Variants in SWT1 observed in about 807,000 individuals in gnomAD.
SWT1 encodes the protein SWT1 RNA endoribonuclease homolog.
SWT1 carries 33 observed loss-of-function variants against 107.3 expected under a neutral mutation model. The observed-to-expected ratio is 0.31, with a 90% CI of 0.23 to 0.41. The LOEUF is 0.41. Ranked by LOEUF, SWT1 falls within the 10% of genes least tolerant of loss-of-function variation. The pLI is 1.00. For synonymous variants in SWT1, 345 were observed against 348.3 expected (o/e 0.99, Z 0.11); for missense variants, 898 against 1,028.9 (o/e 0.87, Z 1.74).
chr1:185,284,863 C>T (rs764472651), intron 18 of SWT1, among the ~76,000 whole-genome samples: 11 of 151,642 alleles, frequency 7.3e-5, no homozygotes, highest in Admixed American at 1.3e-4. Context: ...ATAATTTAAA[C>T]AGGCTTGCAT....
intron 5 of SWT1, among the ~76,000 whole-genome samples, chr1:185,178,936 T>G (rs998721614): frequency 2.6e-5 from 4 of 152,240 alleles, no homozygotes; most frequent in African/African-American, 7.2e-5. Context: ...AGGCGGAAGC[T>G]GAATTCTCAG....
At position 185,190,642 on chromosome 1, in the gene SWT1, C is replaced by T. The variant is rs1656871417; in HGVS notation, c.1523C>T (p.Thr508Met). The T allele has an allele frequency of 2.6e-6, 4 of 1,567,158 alleles. No homozygotes were observed. Among genetic ancestry groups the T allele is most frequent in the African/African-American group, 1.4e-5 (1 of 73,724 alleles). Reference protein sequence around the residue: ...LFPCSFVILCTDDRNLRNKGL... With the variant: ...LFPCSFVILCMDDRNLRNKGL... ...CCTTGTTCTTTTGTTATTCTGTGCA[C>T]GTGAGTTTCATAGTCATTTGACTTT... is the stretch of plus-strand genomic sequence containing the variant. Residue 508 changes from threonine to methionine, a missense_variant and splice_region_variant, in exon 10 of 19, where the codon ACG becomes ATG. This residue lies in a region of SWT1 where 382 missense variants were observed against 460.0 expected (regional missense o/e 0.83). Transcript: ENST00000367500.
At position 185,184,735 on chromosome 1, in the gene SWT1, T is replaced by A. The variant is rs776787546; in HGVS notation, c.1241-8T>A. 1 of 1,598,884 alleles carries A rather than the reference T, an allele frequency of 6.3e-7. No homozygotes were observed. The highest frequency in any genetic ancestry group is 8.5e-7 in the Non-Finnish European group (1 of 1,173,014). Reference sequence around the variant, plus strand: ...TGTTAAATTCTAAGAAATCTTTTTATTTTTTAGGTTTTGACAAACTTGTGT... The same window carrying A: ...TGTTAAATTCTAAGAAATCTTTTTAATTTTTAGGTTTTGACAAACTTGTGT... On this transcript the variant is annotated splice_polypyrimidine_tract_variant and splice_region_variant and intron_variant, in intron 8 of 18. Coordinates refer to ENST00000367500, the MANE Select transcript of SWT1 (RefSeq NM_017673.7).
At chr1:185,167,961 G>C (rs536391035) in intron 3 of SWT1, among the ~76,000 whole-genome samples, 1 of 151,986 alleles carries the variant, frequency 6.6e-6, no homozygotes, top group Non-Finnish European at 1.5e-5. Flanking sequence ...TCTACTTCTC[G>C]TCTTTATTAT....
chr1:185,206,993 G>A (rs990924420), intron 13 of SWT1, among the ~76,000 whole-genome samples: 2 of 152,208 alleles, frequency 1.3e-5, no homozygotes, highest in African/African-American at 4.8e-5. Context: ...GCTTGTGACT[G>A]TAAATGGTAT....
At chr1:185,230,750 G>GTGTT (rs1274928421) in intron 15 of SWT1, among the ~76,000 whole-genome samples, 3 of 151,908 alleles carry the variant, frequency 2.0e-5, no homozygotes, top group Non-Finnish European at 2.9e-5. Context: ...GTGTGTGTGT[G>GTGTT]TGTTTGTTTT....
chr1:185,224,269 TC>T (rs1309441402), intron 15 of SWT1, among the ~76,000 whole-genome samples: 1 of 152,164 alleles, frequency 6.6e-6, no homozygotes, highest in East Asian at 1.9e-4. Context: ...ACTTCTGGGC[TC>T]TCTATTCTGT....
intron 13 of SWT1, among the ~76,000 whole-genome samples, chr1:185,210,562 T>C (rs905783453): frequency 2.6e-5 from 4 of 152,166 alleles, no homozygotes; most frequent in African/African-American, 9.7e-5. Context: ...GCTCTTAAGC[T>C]GTGTATGACA....
intron 18 of SWT1, among the ~76,000 whole-genome samples, chr1:185,284,861 A>G (rs1237452152): frequency 2.6e-5 from 4 of 151,574 alleles, no homozygotes; most frequent in South Asian, 2.1e-4. Context: ...TGATAATTTA[A>G]ACAGGCTTGC....
At chr1:185,187,046 C>T (rs868387767) in intron 9 of SWT1, among the ~76,000 whole-genome samples, 11 of 125,564 alleles carry the variant, frequency 8.8e-5, no homozygotes, top group African/African-American at 2.2e-4. Flanking sequence ...TGAGCCACCG[C>T]GCCCAGCTTT....
At chr1:185,175,434 T>C (rs1253729894) in intron 5 of SWT1, among the ~76,000 whole-genome samples, 1 of 152,082 alleles carries the variant, frequency 6.6e-6, no homozygotes, top group Non-Finnish European at 1.5e-5. Flanking sequence ...ACCATGTTGC[T>C]TAGGCTGGTC....
intron 16 of SWT1, among the ~76,000 whole-genome samples, chr1:185,257,485 G>C (rs534145849): frequency 2.2e-4 from 34 of 152,292 alleles, no homozygotes; most frequent in African/African-American, 7.7e-4. Flanking sequence ...ATCTCGTGGT[G>C]CGCCGTTTTT....
chr1:185,224,077 A>G (rs944914030), intron 15 of SWT1, among the ~76,000 whole-genome samples: 20 of 152,154 alleles, frequency 1.3e-4, no homozygotes, highest in Non-Finnish European at 2.6e-4. Flanking sequence ...TTGCTGTTGA[A>G]TTAAGTTTCT....
In SWT1 at chr1:185,257,601, C is replaced by T. The variant is rs147562801; in HGVS notation, c.2442-13722C>T. Reference sequence around the variant, plus strand: ...GGAAAGGGAACTCCCTGACCCCTTGCGCTTCCCAAGTGAGGCAATGCCTCG... The same window carrying T: ...GGAAAGGGAACTCCCTGACCCCTTGTGCTTCCCAAGTGAGGCAATGCCTCG... On this transcript the variant is annotated intron_variant, in intron 16 of 18. Transcript: ENST00000367500. Among the ~76,000 whole-genome samples, 1,084 of 152,348 alleles carry T rather than the reference C, an allele frequency of 7.1e-3. 8 individuals carry two copies. The highest frequency in any genetic ancestry group is 0.024 in the Middle Eastern group (7 of 294).
intron 16 of SWT1, among the ~76,000 whole-genome samples, chr1:185,249,533 T>G (rs1273218824): frequency 6.6e-6 from 1 of 152,094 alleles, no homozygotes; most frequent in Non-Finnish European, 1.5e-5. Flanking sequence ...CAGGTCCAGG[T>G]GTGATTGAGG....
intron 16 of SWT1, among the ~76,000 whole-genome samples, chr1:185,236,113 C>G (rs1660855166): frequency 6.6e-6 from 1 of 152,126 alleles, no homozygotes; most frequent in Non-Finnish European, 1.5e-5. Flanking sequence ...ATCAAAATGG[C>G]TATACTGCCC....
chr1:185,285,893 T>C lies in SWT1; in HGVS notation c.2574-4781T>C, dbSNP rs138598938. On this transcript the variant is annotated intron_variant, in intron 18 of 18. Coordinates refer to ENST00000367500, the MANE Select transcript of SWT1 (RefSeq NM_017673.7). ...TATGTGAGGGTTTACTTCAGAACTTTTAGTTCTGATTCATTGGATGTCTGT... is the reference window on the plus strand; with the variant it reads ...TATGTGAGGGTTTACTTCAGAACTTCTAGTTCTGATTCATTGGATGTCTGT... Among the ~76,000 whole-genome samples the C allele has an allele frequency of 4.9e-3, 739 of 152,344 alleles. 6 individuals are homozygous for C. The highest frequency in any genetic ancestry group is 0.017 in the African/African-American group (698 of 41,570).
intron 16 of SWT1, among the ~76,000 whole-genome samples, chr1:185,250,260 T>C (rs1661911172): frequency 6.6e-6 from 1 of 152,180 alleles, no homozygotes; most frequent in Non-Finnish European, 1.5e-5. Context: ...CCCTCGTAGC[T>C]GTCACCATAA....
At chr1:185,222,725 T>C (rs1476389449) in intron 15 of SWT1, among the ~76,000 whole-genome samples, 3 of 130,376 alleles carry the variant, frequency 2.3e-5, no homozygotes, top group African/African-American at 9.3e-5. Context: ...ACTGTGCCAC[T>C]GCACTCCAGC....
Sources: allele counts gnomAD v4.1 joint callset (sites outside exome capture counted in the v4.1 genomes callset), GRCh38; gene constraint gnomAD v4.1.1; regional missense constraint gnomAD v4.1.1; transcripts MANE v1.5; gene names NCBI Gene and HGNC (gene_info 2026-07-23, HGNC 2026-07-21).